CDH17: variants seen among roughly 807,000 people sequenced by gnomAD.
CDH17 encodes the protein cadherin 17, also known as cadherin-17.
CDH17 carries 67 observed loss-of-function variants against 86.3 expected under a neutral mutation model. The ratio of observed to expected loss-of-function variants is 0.78; its 90% CI spans 0.64 to 0.95. The LOEUF (loss-of-function observed/expected upper bound fraction) is 0.95, where lower values mean the gene tolerates loss of function less well. Ranked by LOEUF, CDH17 falls within the 40% of genes least tolerant of loss-of-function variation. The pLI, the probability that CDH17 is intolerant of heterozygous loss-of-function variation, is 0.00. For synonymous variants in CDH17, 367 were observed against 366.4 expected (o/e 1.00, Z -0.02); for missense variants, 993 against 1,017.6 (o/e 0.98, Z 0.33).
chr8:94,164,803 T>C (rs1412503039), intron 10 of CDH17, among the ~76,000 whole-genome samples: 2 of 152,248 alleles, frequency 1.3e-5, no homozygotes, highest in Admixed American at 6.5e-5. Flanking sequence ...GAAATGAGTC[T>C]GTCTTTGAAT....
At chr8:94,154,219 G>C (rs982708286) in intron 12 of CDH17, among the ~76,000 whole-genome samples, 1 of 152,164 alleles carries the variant, frequency 6.6e-6, no homozygotes, top group African/African-American at 2.4e-5. Context: ...TTCTCAGAAT[G>C]ATTACAGAGC....
chr8:94,199,077 ATATATATTTT>A (rs1180629066), intron 1 of CDH17, among the ~76,000 whole-genome samples: 77 of 8,726 alleles, frequency 8.8e-3, no homozygotes, highest in East Asian at 0.041. Flanking sequence ...ATATATATAT[ATATATATTTT>A]TTTTTTTTTA....
chr8:94,201,616 C>A (rs1181207725), intron 1 of CDH17, among the ~76,000 whole-genome samples: 1 of 152,192 alleles, frequency 6.6e-6, no homozygotes, highest in Admixed American at 6.5e-5. Context: ...CTTCTGGTCA[C>A]CAGAACTGAG....
At chr8:94,175,566 C>T (rs1338974818) in intron 5 of CDH17, among the ~76,000 whole-genome samples, 1 of 152,008 alleles carries the variant, frequency 6.6e-6, no homozygotes, top group East Asian at 1.9e-4. Flanking sequence ...TCTAAGAACT[C>T]TGAAGTCTAA....
At chr8:94,164,089 T>G (rs758731855) in intron 10 of CDH17, among the ~76,000 whole-genome samples, 2 of 152,334 alleles carry the variant, frequency 1.3e-5, no homozygotes, top group Non-Finnish European at 2.9e-5. Context: ...AATAAACAAT[T>G]TGTAATCTGA....
At chr8:94,152,918 T>C (rs13255632) in intron 12 of CDH17, among the ~76,000 whole-genome samples, 32,378 of 152,142 alleles carry the variant, frequency 0.21, 3,602 homozygotes, top group East Asian at 0.31. Context: ...CCCACCCACC[T>C]CAGCCTCCCA....
chr8:94,191,643 G>T (rs1394400879), intron 2 of CDH17, among the ~76,000 whole-genome samples: 1 of 151,832 alleles, frequency 6.6e-6, no homozygotes, highest in African/African-American at 2.4e-5. Flanking sequence ...TAGTAGAAAT[G>T]GGGTTTCACC....
chr8:94,210,226 T>TA (rs71567010), upstream of CDH17, among the ~76,000 whole-genome samples: 828 of 53,446 alleles, frequency 0.015, 91 homozygotes, highest in African/African-American at 0.03. Flanking sequence ...TTTATGCGAG[T>TA]AAAAAAAAAA....
chr8:94,205,255 T>G (rs1354359056), intron 1 of CDH17, among the ~76,000 whole-genome samples: 1 of 138,790 alleles, frequency 7.2e-6, no homozygotes, highest in Non-Finnish European at 1.7e-5. Flanking sequence ...CTATTTCTCA[T>G]AAAGGGTGGC....
intron 1 of CDH17, among the ~76,000 whole-genome samples, chr8:94,200,567 T>TTTA (rs1813890878): frequency 8.5e-6 from 1 of 116,970 alleles, no homozygotes. Flanking sequence ...TTTTTTTTTT[T>TTTA]TACAAAAAAA....
chr8:94,143,078 G>A (rs570398626), intron 15 of CDH17, among the ~76,000 whole-genome samples: 12 of 152,098 alleles, frequency 7.9e-5, no homozygotes, highest in Non-Finnish European at 1.0e-4. Flanking sequence ...ATCCATCAGA[G>A]GAATTACTAT....
intron 2 of CDH17, among the ~76,000 whole-genome samples, chr8:94,190,010 A>T (rs887184357): frequency 6.5e-5 from 9 of 138,382 alleles, no homozygotes; most frequent in African/African-American, 2.5e-4. Flanking sequence ...CTCTGCAGAC[A>T]CCCAAGTCAA....
At chr8:94,193,982 A>C (rs1452551535) in intron 2 of CDH17, among the ~76,000 whole-genome samples, 1 of 151,966 alleles carries the variant, frequency 6.6e-6, no homozygotes, top group Non-Finnish European at 1.5e-5. Context: ...TAAATCTTAT[A>C]ATCTCGTTTC....
intron 5 of CDH17, 130 bp from the exon 6 acceptor site, chr8:94,174,390 G>T (rs1813331595): frequency 1.1e-6 from 1 of 881,756 alleles, no homozygotes; most frequent in Non-Finnish European, 1.7e-6. Flanking sequence ...CACACCAGTG[G>T]GGAAATAAAT....
chr8:94,171,974 TCCCCC>T (rs1563578419), intron 7 of CDH17, among the ~76,000 whole-genome samples: 1 of 97,904 alleles, frequency 1.0e-5, no homozygotes, highest in Non-Finnish European at 2.0e-5. Flanking sequence ...CATCTCCCCC[TCCCCC>T]CTCCCCCCTC....
At chr8:94,130,832 T>G in intron 16 of CDH17, 44 bp downstream of exon 16, 1 of 1,494,122 alleles carries the variant, frequency 6.7e-7, no homozygotes, top group South Asian at 1.1e-5. Flanking sequence ...AAACGGCCCA[T>G]GGTGACAGAT....
At chr8:94,140,104 A>C (rs1812609064) in intron 15 of CDH17, among the ~76,000 whole-genome samples, 1 of 152,100 alleles carries the variant, frequency 6.6e-6, no homozygotes, top group Non-Finnish European at 1.5e-5. Flanking sequence ...TCACAAAAGA[A>C]ATCTAAAGGG....
At chr8:94,131,269 C>A (rs1248526725) in intron 15 of CDH17, among the ~76,000 whole-genome samples, 1 of 152,022 alleles carries the variant, frequency 6.6e-6, no homozygotes, top group Non-Finnish European at 1.5e-5. Flanking sequence ...TAAAGTTGCC[C>A]CAAACACTGA....
In CDH17 at chr8:94,128,223, A is replaced by G; in HGVS notation, c.*17T>C. On this transcript the variant is annotated 3_prime_UTR_variant, in exon 18 of 18. Coordinates refer to ENST00000027335, the MANE Select transcript of CDH17 (RefSeq NM_004063.4). ...AAATAGCACTTGCTATATAAATTCA[A>G]ACATTCCTTTTCAAATTCAGCTTCT... is the stretch of plus-strand genomic sequence containing the variant. 1 of 1,540,402 alleles carries G rather than the reference A, an allele frequency of 6.5e-7. No homozygotes were observed. The highest frequency in any genetic ancestry group is 9.0e-7 in the Non-Finnish European group (1 of 1,113,962).
Sources: allele counts gnomAD v4.1 joint callset (sites outside exome capture counted in the v4.1 genomes callset), GRCh38; gene constraint gnomAD v4.1.1; transcripts MANE v1.5; gene names NCBI Gene and HGNC (gene_info 2026-07-23, HGNC 2026-07-21).